HMGB1: variants seen among roughly 807,000 people sequenced by gnomAD.
HMGB1 encodes high mobility group protein B1.
For synonymous variants in HMGB1, 81 were observed against 84.0 expected, an observed-to-expected ratio of 0.96 and a Z score of 0.19; for missense variants, 79 against 253.5, an observed-to-expected ratio of 0.31 and a Z score of 4.67.
intron 1 of HMGB1, among the ~76,000 whole-genome samples, chr13:30,614,385 T>C (rs753285942): frequency 1.1e-4 from 17 of 152,214 alleles, no homozygotes; most frequent in Non-Finnish European, 2.1e-4. Context: ...GTTGAAACTA[T>C]AAGGAACTCT....
intron 1 of HMGB1, among the ~76,000 whole-genome samples, chr13:30,602,054 A>T (rs73167363): frequency 8.0e-4 from 122 of 152,290 alleles, no homozygotes; most frequent in Non-Finnish European, 1.1e-3. Flanking sequence ...GTACGAGCGT[A>T]CAAGCCAGGT....
intron 1 of HMGB1, among the ~76,000 whole-genome samples, chr13:30,519,427 G>A (rs1593287597): frequency 6.6e-6 from 1 of 150,842 alleles, no homozygotes; most frequent in African/African-American, 2.4e-5. Context: ...CGGGCGCGGT[G>A]GTTCACGCCT....
upstream of HMGB1, among the ~76,000 whole-genome samples, chr13:30,470,655 T>A (rs977200793): frequency 6.6e-6 from 1 of 152,202 alleles, no homozygotes; most frequent in African/African-American, 2.4e-5. Flanking sequence ...TGTTTTATTT[T>A]ATTTTTTTTT....
At chr13:30,490,398 T>C (rs915992411) in intron 1 of HMGB1, among the ~76,000 whole-genome samples, 26 of 152,060 alleles carry the variant, frequency 1.7e-4, no homozygotes, top group African/African-American at 6.0e-4. Context: ...GGTGGGCAGA[T>C]CACTTGGGGC....
At chr13:30,567,865 A>G (rs1251996894) in intron 1 of HMGB1, among the ~76,000 whole-genome samples, 2 of 152,230 alleles carry the variant, frequency 1.3e-5, no homozygotes, top group African/African-American at 2.4e-5. Context: ...AAATGTAGTT[A>G]GCAAGTCCTG....
At chr13:30,605,455 A>G (rs1281463726) in intron 1 of HMGB1, among the ~76,000 whole-genome samples, 1 of 152,252 alleles carries the variant, frequency 6.6e-6, no homozygotes, top group Admixed American at 6.5e-5. Flanking sequence ...AAGTAGGAGA[A>G]CTGAGAGTCT....
intron 1 of HMGB1, among the ~76,000 whole-genome samples, chr13:30,526,857 G>C (rs9508776): frequency 0.37 from 56,026 of 151,920 alleles, 11,131 homozygotes; most frequent in South Asian, 0.53. Flanking sequence ...ATCCACAAGT[G>C]TTCTAATGAT....
chr13:30,585,555 G>A (rs1183362553), intron 1 of HMGB1, among the ~76,000 whole-genome samples: 2 of 151,790 alleles, frequency 1.3e-5, no homozygotes, highest in African/African-American at 2.4e-5. Flanking sequence ...GCGCATGCCT[G>A]TAATCCCAGC....
intron 1 of HMGB1, among the ~76,000 whole-genome samples, chr13:30,574,637 T>C (rs1489856117): frequency 6.6e-6 from 1 of 152,220 alleles, no homozygotes; most frequent in Admixed American, 6.5e-5. Context: ...AAGTCTTGAC[T>C]AGTGGAGAAT....
At chr13:30,525,743 C>T (rs951856028) in intron 1 of HMGB1, among the ~76,000 whole-genome samples, 3 of 151,698 alleles carry the variant, frequency 2.0e-5, no homozygotes, top group Admixed American at 6.6e-5. Context: ...TCAGGTCTCA[C>T]GGGAACTCAC....
intron 1 of HMGB1, among the ~76,000 whole-genome samples, chr13:30,587,368 G>A (rs1056937320): frequency 6.6e-6 from 1 of 152,160 alleles, no homozygotes; most frequent in Non-Finnish European, 1.5e-5. Context: ...CCAGGCTGGA[G>A]TGCAGTGGCT....
rs1200819300 is a variant in HMGB1, at chr13:30,597,810, A to G, written c.-15+18861T>C. Among the ~76,000 whole-genome samples, 3 of 152,186 alleles carry G rather than the reference A, an allele frequency of 2.0e-5. No homozygotes were observed. In the East Asian group the frequency reaches 5.8e-4, roughly 29 times the overall value. ...CACCCTCATCCCAACGGACTACAGGAACAGACCTCAGGTCACATTTGACTC... is the reference window on the plus strand; with the variant it reads ...CACCCTCATCCCAACGGACTACAGGGACAGACCTCAGGTCACATTTGACTC... On this transcript the variant is annotated intron_variant, in intron 1 of 4. Transcript: ENST00000405805.
intron 1 of HMGB1, among the ~76,000 whole-genome samples, chr13:30,495,071 T>C (rs1887580195): frequency 6.6e-6 from 1 of 152,240 alleles, no homozygotes. Context: ...TCTCCATTTA[T>C]CCATCGACGG....
At chr13:30,595,899 T>C (rs1365080343) in intron 1 of HMGB1, among the ~76,000 whole-genome samples, 4 of 152,196 alleles carry the variant, frequency 2.6e-5, no homozygotes, top group African/African-American at 9.7e-5. Flanking sequence ...AAAAGTGACA[T>C]ACTGTCATTT....
chr13:30,599,866 C>T (rs1253230124), intron 1 of HMGB1, among the ~76,000 whole-genome samples: 6 of 152,110 alleles, frequency 3.9e-5, no homozygotes, highest in East Asian at 3.8e-4. Context: ...CAATTCAGCC[C>T]GTAACAGGCC....
At position 30,544,179 on chromosome 13, in the gene HMGB1, C is replaced by A. The variant is rs77926037; in HGVS notation, c.-15+72492G>T. Among the ~76,000 whole-genome samples the A allele has an allele frequency of 5.9e-3, 903 of 152,332 alleles. 11 individuals carry two copies. The highest frequency in any genetic ancestry group is 0.021 in the African/African-American group (878 of 41,580). ...GAACATGCAAGTCAGAGGTTCTGAACCAACCACTCCTCACCTCAGAATGTC... is the reference window on the plus strand; with the variant it reads ...GAACATGCAAGTCAGAGGTTCTGAAACAACCACTCCTCACCTCAGAATGTC... On this transcript the variant is annotated intron_variant, in intron 1 of 4. Coordinates refer to the HMGB1 transcript ENST00000405805.
At chr13:30,583,167 C>G (rs1296259928) in intron 1 of HMGB1, among the ~76,000 whole-genome samples, 2 of 152,034 alleles carry the variant, frequency 1.3e-5, no homozygotes, top group African/African-American at 4.8e-5. Context: ...GTGCCTAACC[C>G]TGACTGATCT....
chr13:30,482,240 G>A (rs536006709), intron 1 of HMGB1, among the ~76,000 whole-genome samples: 2 of 152,220 alleles, frequency 1.3e-5, no homozygotes, highest in African/African-American at 4.8e-5. Flanking sequence ...GTATCATTCC[G>A]TGTCCCTCCT....
upstream of HMGB1, among the ~76,000 whole-genome samples, chr13:30,470,821 G>C (rs924156902): frequency 6.6e-6 from 1 of 151,798 alleles, no homozygotes; most frequent in African/African-American, 2.4e-5. Context: ...ACTAATTTTT[G>C]TATTTTTAGT....
Sources: gnomAD v4.1 joint callset for allele counts (sites outside exome capture counted in the v4.1 genomes callset) on GRCh38, gnomAD v4.1.1 for gene constraint, MANE v1.5 for transcripts, NCBI Gene and HGNC (gene_info 2026-07-23, HGNC 2026-07-21) for gene names.